LGR4: variants seen among roughly 807,000 people sequenced by gnomAD.
LGR4 encodes leucine rich repeat containing G protein-coupled receptor 4, also known as leucine-rich repeat-containing G protein-coupled receptor 4.
A neutral mutation model predicts 84.8 loss-of-function variants in LGR4; 44 were observed. That is an observed-to-expected ratio of 0.52 (90% CI 0.41 to 0.67). The LOEUF (loss-of-function observed/expected upper bound fraction) is 0.67. Ranked by LOEUF, LGR4 falls within the 30% of genes least tolerant of loss-of-function variation. LGR4 has a pLI of 0.00. For missense variants in LGR4, 1,032 were observed against 1,131.4 expected, an observed-to-expected ratio of 0.91 and a Z score of 1.26; for synonymous variants, 429 against 434.3, an observed-to-expected ratio of 0.99 and a Z score of 0.15.
intron 1 of LGR4, among the ~76,000 whole-genome samples, chr11:27,469,000 C>T (rs1864826350): frequency 6.6e-6 from 1 of 152,134 alleles, no homozygotes; most frequent in Admixed American, 6.5e-5. Context: ...GTTATTAGCA[C>T]AAATACAGTA....
In LGR4 at chr11:27,472,260, GC is replaced by G; in HGVS notation, c.42del (p.Leu15CysfsTer34). On this transcript the variant is annotated frameshift_variant, in exon 1 of 18. Coordinates refer to ENST00000379214, the MANE Select transcript of LGR4 (RefSeq NM_018490.5). LOFTEE classifies it high-confidence loss of function. ...CCGCTGGGCCCGGCCGAGCCGAGCAGCCCCAGGGCGAGGAAGCAGAGCAGCC... is the reference window on the plus strand; with the variant it reads ...CCGCTGGGCCCGGCCGAGCCGAGCAGCCCAGGGCGAGGAAGCAGAGCAGCC... Reference protein sequence around the residue: ...PLGLLCFLALGLLGSAGPSGA... With the variant: ...PLGLLCFLALXLLGSAGPSGA... 2 of 1,277,088 alleles carry G rather than the reference GC, an allele frequency of 1.6e-6. No homozygotes were observed. The highest frequency in any genetic ancestry group is 1.6e-5 in the African/African-American group (1 of 63,872). The allele number at this position is 1,277,088 out of a possible 1,614,324, so 79.1% of individuals were successfully genotyped here.
chr11:27,415,227 GACA>G (rs1863793540), intron 1 of LGR4, among the ~76,000 whole-genome samples: 2 of 152,058 alleles, frequency 1.3e-5, no homozygotes, highest in South Asian at 4.1e-4. Flanking sequence ...AAAGAGGAAG[GACA>G]ACAAGAATTG....
At chr11:27,444,475 C>T (rs1003820427) in intron 1 of LGR4, among the ~76,000 whole-genome samples, 7 of 152,072 alleles carry the variant, frequency 4.6e-5, no homozygotes, top group South Asian at 2.1e-4. Context: ...ACTAGTCAAC[C>T]GAGACAAAGG....
chr11:27,385,115 G>C lies in LGR4; in HGVS notation c.617+138C>G, dbSNP rs1433063946. 4 of 596,822 alleles carry C rather than the reference G, an allele frequency of 6.7e-6. No individual in the cohort carries two copies. In the African/African-American group the frequency reaches 7.4e-5, roughly 11 times the overall value. The allele number at this position is 596,822 out of a possible 1,614,324, so 37.0% of individuals were successfully genotyped here. A position where few individuals can be genotyped will look rare whatever the true frequency, so the allele number is the denominator to read the frequency against. On this transcript the variant is annotated intron_variant, in intron 5 of 17. Coordinates refer to ENST00000379214, the MANE Select transcript of LGR4 (RefSeq NM_018490.5). ...AAATTATCCTATTCTGTTTAATATT[G>C]TACAAAAGCAGCTCCCAAAGCACTA...
In LGR4 at chr11:27,368,913, T is replaced by C. The variant is rs1419401950; in HGVS notation, c.1810A>G (p.Arg604Gly). Residue 604 changes from arginine to glycine, a missense_variant, in exon 18 of 18, where the codon AGA becomes GGA. Arg to Gly is a moderately radical substitution (Grantham distance 125, BLOSUM62 -2). Coordinates refer to ENST00000379214, the MANE Select transcript of LGR4 (RefSeq NM_018490.5). ...LTFLDAVSWGRFAEFGIWWET... is the reference protein window; with the variant it reads ...LTFLDAVSWGGFAEFGIWWET... ...CACCAAATGCCAAATTCAGCGAATC[T>C]GCCCCAGGACACAGCATCAAGAAAA... 6.2e-7 allele frequency: 1 copy of C among 1,614,168 alleles called. No individual in the cohort carries two copies. The highest frequency in any genetic ancestry group is 8.5e-7 in the Non-Finnish European group (1 of 1,180,016).
intron 1 of LGR4, among the ~76,000 whole-genome samples, chr11:27,452,487 A>G (rs946095556): frequency 6.6e-6 from 1 of 152,170 alleles, no homozygotes; most frequent in African/African-American, 2.4e-5. Context: ...ACCACTGCAA[A>G]GAAATGCCCT....
At chr11:27,470,653 A>T (rs1474061889) in intron 1 of LGR4, among the ~76,000 whole-genome samples, 1 of 151,954 alleles carries the variant, frequency 6.6e-6, no homozygotes, top group Admixed American at 6.6e-5. Flanking sequence ...TTATGAACAA[A>T]ATGCTCTTCA....
intron 1 of LGR4, among the ~76,000 whole-genome samples, chr11:27,458,173 G>A (rs767506115): frequency 2.0e-5 from 3 of 152,172 alleles, no homozygotes; most frequent in South Asian, 2.1e-4. Context: ...ATTAATATAC[G>A]CAACATGTTA....
At chr11:27,450,027 A>C (rs1048394777) in intron 1 of LGR4, among the ~76,000 whole-genome samples, 1 of 152,188 alleles carries the variant, frequency 6.6e-6, no homozygotes, top group Admixed American at 6.5e-5. Flanking sequence ...TCCCTGAAAA[A>C]CGCTTTCGTT....
intron 4 of LGR4, among the ~76,000 whole-genome samples, chr11:27,386,382 C>A (rs1170658135): frequency 6.6e-6 from 1 of 152,206 alleles, no homozygotes; most frequent in Non-Finnish European, 1.5e-5. Flanking sequence ...ACGTGCCAGG[C>A]AAATCACAGC....
chr11:27,451,545 G>A (rs181619498), intron 1 of LGR4, among the ~76,000 whole-genome samples: 1 of 152,346 alleles, frequency 6.6e-6, no homozygotes, highest in East Asian at 1.9e-4. Context: ...GTAATCAAGT[G>A]TAAATGGTGA....
At chr11:27,413,565 T>C (rs1590374066) in intron 1 of LGR4, among the ~76,000 whole-genome samples, 1 of 152,262 alleles carries the variant, frequency 6.6e-6, no homozygotes, top group East Asian at 1.9e-4. Flanking sequence ...TGGCTTTCTC[T>C]GCCACACTCC....
intron 11 of LGR4, 94 bp downstream of exon 11, chr11:27,378,603 C>T (rs549448983): frequency 2.3e-5 from 21 of 913,560 alleles, no homozygotes; most frequent in Non-Finnish European, 3.2e-5. Context: ...TACCTCAAAA[C>T]CACCTTATGA....
intron 1 of LGR4, among the ~76,000 whole-genome samples, chr11:27,456,699 C>T (rs542438644): frequency 6.6e-6 from 1 of 151,786 alleles, no homozygotes; most frequent in Non-Finnish European, 1.5e-5. Context: ...CAGACACACA[C>T]AAAAAAACAC....
chr11:27,452,097 G>T (rs939603277), intron 1 of LGR4, among the ~76,000 whole-genome samples: 2 of 152,130 alleles, frequency 1.3e-5, no homozygotes, highest in Admixed American at 1.3e-4. Context: ...AAATAATGTT[G>T]ATGTGAAAGT....
chr11:27,398,974 T>C (rs1863444365), intron 2 of LGR4, among the ~76,000 whole-genome samples: 1 of 152,144 alleles, frequency 6.6e-6, no homozygotes, highest in Non-Finnish European at 1.5e-5. Context: ...TGGCAGGATC[T>C]TGGCTCACTG....
chr11:27,379,989 T>C (rs1483390264), intron 10 of LGR4, among the ~76,000 whole-genome samples: 1 of 152,202 alleles, frequency 6.6e-6, no homozygotes, highest in African/African-American at 2.4e-5. Flanking sequence ...CTACATCGAA[T>C]GCCCCCACTT....
At chr11:27,417,249 G>C (rs1430421704) in intron 1 of LGR4, among the ~76,000 whole-genome samples, 1 of 150,652 alleles carries the variant, frequency 6.6e-6, no homozygotes, top group Non-Finnish European at 1.5e-5. Context: ...ATGTTCTCTA[G>C]GAAAAGAAAA....
chr11:27,378,402 A>C (rs1344565907), intron 11 of LGR4, among the ~76,000 whole-genome samples: 1 of 152,174 alleles, frequency 6.6e-6, no homozygotes, highest in Admixed American at 6.6e-5. Flanking sequence ...ATACCCCTGG[A>C]GAAACTAGAA....
Sources: allele counts gnomAD v4.1 joint callset (sites outside exome capture counted in the v4.1 genomes callset), GRCh38; gene constraint gnomAD v4.1.1; transcripts MANE v1.5; gene names NCBI Gene and HGNC (gene_info 2026-07-23, HGNC 2026-07-21).